RASGEF1C: variants seen among roughly 807,000 people sequenced by gnomAD.
RASGEF1C encodes RasGEF domain family member 1C, also known as ras-GEF domain-containing family member 1C.
RASGEF1C carries 27 observed loss-of-function variants against 58.1 expected under a neutral mutation model. The ratio of observed to expected loss-of-function variants is 0.46; its 90% CI spans 0.34 to 0.64. The LOEUF (loss-of-function observed/expected upper bound fraction) is 0.64. Among genes scored for constraint, RASGEF1C ranks in the 30% least tolerant of loss-of-function variants. The pLI is 0.01. For missense variants in RASGEF1C, 502 were observed against 605.1 expected (o/e 0.83, Z 1.79); for synonymous variants, 243 against 246.3 (o/e 0.99, Z 0.13).
At chr5:180,142,208 C>T (rs988044932) in intron 1 of RASGEF1C, among the ~76,000 whole-genome samples, 5 of 152,054 alleles carry the variant, frequency 3.3e-5, no homozygotes, top group African/African-American at 9.7e-5. Context: ...CTCGTTGGGA[C>T]GTGGGGCTCG....
At chr5:180,141,611 GGGAT>G (rs1766580662) in intron 1 of RASGEF1C, among the ~76,000 whole-genome samples, 1 of 152,136 alleles carries the variant, frequency 6.6e-6, no homozygotes, top group Non-Finnish European at 1.5e-5. Flanking sequence ...TTTCTGGAGA[GGGAT>G]GGAGGTGACA....
At chr5:180,116,644 C>T (rs1031107585) in intron 10 of RASGEF1C, among the ~76,000 whole-genome samples, 7 of 152,246 alleles carry the variant, frequency 4.6e-5, no homozygotes, top group African/African-American at 1.2e-4. Flanking sequence ...CACAGGCATC[C>T]GAATCCCAGT....
chr5:180,161,149 T>C (rs2113300833), intron 1 of RASGEF1C, among the ~76,000 whole-genome samples: 1 of 152,308 alleles, frequency 6.6e-6, no homozygotes, highest in Non-Finnish European at 1.5e-5. Flanking sequence ...CTTCTGGACC[T>C]TGGAGATTGA....
At chr5:180,138,448 A>G in intron 1 of RASGEF1C, 1 of 166,848 alleles carries the variant, frequency 6.0e-6, no homozygotes, top group Non-Finnish European at 1.3e-5. Context: ...GGCCCCATCC[A>G]AATTAGGGGG....
chr5:180,126,483 T>C (rs1197623353), intron 6 of RASGEF1C, among the ~76,000 whole-genome samples: 1 of 152,198 alleles, frequency 6.6e-6, no homozygotes, highest in Non-Finnish European at 1.5e-5. Flanking sequence ...GCAGTCAGCA[T>C]TCCTAGAGAG....
intron 1 of RASGEF1C, among the ~76,000 whole-genome samples, chr5:180,153,273 T>C (rs555840743): frequency 5.3e-5 from 8 of 152,302 alleles, no homozygotes; most frequent in African/African-American, 1.9e-4. Flanking sequence ...TATTGATATT[T>C]GGAGTGCAAG....
Position 180,191,379 on chromosome 5 carries a change from C to T in RASGEF1C, c.-7+17649G>A, listed in dbSNP as rs539847132. Among the ~76,000 whole-genome samples the T allele has an allele frequency of 1.7e-4, 25 of 151,126 alleles. No individual in the cohort carries two copies. The East Asian group carries it at 2.7e-3, about 16-fold the overall frequency. ...TATTTACTTATTTTTTTTTTTGAGA[C>T]GGAGTCTAGCTCTGTCGCCCAGGCT... On this transcript the variant is annotated intron_variant, in intron 1 of 13. Coordinates refer to ENST00000361132, the MANE Select transcript of RASGEF1C (RefSeq NM_175062.4).
intron 1 of RASGEF1C, among the ~76,000 whole-genome samples, chr5:180,194,892 CGGCTTCTCCT>C (rs1756238052): frequency 6.6e-6 from 1 of 151,696 alleles, no homozygotes; most frequent in Non-Finnish European, 1.5e-5. Flanking sequence ...CTCAGAGCTG[CGGCTTCTCCT>C]GGCTTCTCCA....
chr5:180,111,675 A>G, intron 11 of RASGEF1C, 95 bp from the exon 12 acceptor site: 1 of 1,392,386 alleles, frequency 7.2e-7, no homozygotes, highest in South Asian at 1.2e-5. Flanking sequence ...CCCTCTCAAC[A>G]CCCAGTGGCT....
Position 180,152,911 on chromosome 5 carries a change from CAA to C in RASGEF1C, c.-6-14855_-6-14854del, listed in dbSNP as rs755521241. On this transcript the variant is annotated intron_variant, in intron 1 of 13. Coordinates refer to ENST00000361132, the MANE Select transcript of RASGEF1C (RefSeq NM_175062.4). ...GGGCAACAAGAGCAAAACCCCATCT[CAA>C]AAAAAAAAAAAAAAAAAAAAAGTTA... Among the ~76,000 whole-genome samples the C allele has an allele frequency of 9.1e-3, 649 of 71,674 alleles. 1 individual carries two copies. Among genetic ancestry groups the C allele is most frequent in the African/African-American group, 0.024 (456 of 18,958 alleles). The allele number at this position is 71,674 out of a possible 152,430, so 47.0% of individuals were successfully genotyped here.
At chr5:180,163,255 A>ATTTTTTTTTTTTTTTTTTTTTG (rs1766973565) in intron 1 of RASGEF1C, among the ~76,000 whole-genome samples, 1 of 11,734 alleles carries the variant, frequency 8.5e-5, no homozygotes, top group Non-Finnish European at 2.4e-4. Flanking sequence ...TTTTTTTTCC[A>ATTTTTTTTTTTTTTTTTTTTTG]GCCTATTGCA....
chr5:180,195,741 G>C (rs578153380), intron 1 of RASGEF1C, among the ~76,000 whole-genome samples: 3 of 151,964 alleles, frequency 2.0e-5, no homozygotes, highest in Admixed American at 2.0e-4. Context: ...CTCCAGCCTG[G>C]GCGACAGAGC....
chr5:180,195,897 A>G (rs554420481), intron 1 of RASGEF1C, among the ~76,000 whole-genome samples: 5 of 152,222 alleles, frequency 3.3e-5, no homozygotes, highest in African/African-American at 1.2e-4. Flanking sequence ...CCAGGTCCCC[A>G]CTATCTGGAA....
chr5:180,142,411 G>T (rs1027895793), intron 1 of RASGEF1C, among the ~76,000 whole-genome samples: 3 of 152,206 alleles, frequency 2.0e-5, no homozygotes, highest in African/African-American at 7.2e-5. Context: ...TTGGCTCAAT[G>T]TACCAAGAGC....
intron 1 of RASGEF1C, among the ~76,000 whole-genome samples, chr5:180,163,253 C>CTTTTTTTTTTTTTTTT (rs1561747791): frequency 2.0e-4 from 1 of 5,060 alleles, no homozygotes; most frequent in Admixed American, 1.7e-3. Flanking sequence ...TTTTTTTTTT[C>CTTTTTTTTTTTTTTTT]CAGCCTATTG....
At chr5:180,140,257 C>T (rs981700313) in intron 1 of RASGEF1C, among the ~76,000 whole-genome samples, 1 of 152,206 alleles carries the variant, frequency 6.6e-6, no homozygotes, top group African/African-American at 2.4e-5. Flanking sequence ...GGTCCTCCGA[C>T]CTCCAATCAC....
At chr5:180,172,874 C>T (rs1336248236) in intron 1 of RASGEF1C, among the ~76,000 whole-genome samples, 1 of 152,214 alleles carries the variant, frequency 6.6e-6, no homozygotes. Context: ...TCTCCCTGTG[C>T]TCCCGCCTCC....
At chr5:180,107,556 A>G (rs940612387) in intron 12 of RASGEF1C, among the ~76,000 whole-genome samples, 2 of 152,240 alleles carry the variant, frequency 1.3e-5, no homozygotes, top group African/African-American at 2.4e-5. Flanking sequence ...CCCTATGGGT[A>G]AAGTGTCATT....
intron 6 of RASGEF1C, among the ~76,000 whole-genome samples, chr5:180,121,679 A>ACACC (rs1426928198): frequency 3.6e-5 from 1 of 27,842 alleles, no homozygotes; most frequent in African/African-American, 1.1e-4. Flanking sequence ...ACACACACAC[A>ACACC]CACCCTCATT....
Sources: allele counts gnomAD v4.1 joint callset (sites outside exome capture counted in the v4.1 genomes callset), GRCh38; gene constraint gnomAD v4.1.1; transcripts MANE v1.5; gene names NCBI Gene and HGNC (gene_info 2026-07-23, HGNC 2026-07-21).